Variants in DYNC1H1 observed in about 807,000 individuals in gnomAD.
The protein encoded by DYNC1H1 is cytoplasmic dynein 1 heavy chain 1.
A neutral mutation model predicts 527.1 loss-of-function variants in DYNC1H1; 51 were observed. The observed-to-expected ratio is 0.10, with a 90% CI of 0.08 to 0.12. The LOEUF (loss-of-function observed/expected upper bound fraction) is 0.12. Among genes scored for constraint, DYNC1H1 ranks in the 10% least tolerant of loss-of-function variants. The pLI is 1.00. For synonymous variants in DYNC1H1, 2,189 were observed against 2,278.8 expected, an observed-to-expected ratio of 0.96 and a Z score of 1.12; for missense variants, 2,771 against 5,971.8, an observed-to-expected ratio of 0.46 and a Z score of 17.66.
chr14:102,050,303 G>T (rs2048790231), intron 77 of DYNC1H1, 105 bp downstream of exon 77: 1 of 1,610,530 alleles, frequency 6.2e-7, no homozygotes, highest in Non-Finnish European at 8.5e-7. Context: ...AACGGGAAAT[G>T]AGGTTCACAG....
Position 102,012,248 on chromosome 14 carries a change from G to T in DYNC1H1, c.6858-66G>T, listed in dbSNP as rs544874476. On this transcript the variant is annotated intron_variant, in intron 33 of 77. Coordinates refer to ENST00000360184, the MANE Select transcript of DYNC1H1 (RefSeq NM_001376.5). The surrounding 1 kb of genome is among the most constrained non-coding windows in gnomAD (Gnocchi z 4.9). ...AAAGGTCATTTCAGAAACCATCATC[G>T]GTAAACATGCCTAATGTTAAAATCT... 1 of 1,613,126 alleles carries T rather than the reference G, an allele frequency of 6.2e-7. No individual in the cohort carries two copies.
chr14:102,049,330 C>G lies in DYNC1H1; in HGVS notation c.13373-110C>G. ...CTGGGAAAGGCAGTAGGTGGAGCCGCCAGCCGCCTGTGTGGGCAGCCAGGA... is the reference window on the plus strand; with the variant it reads ...CTGGGAAAGGCAGTAGGTGGAGCCGGCAGCCGCCTGTGTGGGCAGCCAGGA... On this transcript the variant is annotated intron_variant, in intron 74 of 77. Transcript: ENST00000360184. The surrounding 1 kb of genome is among the most constrained non-coding windows in gnomAD (Gnocchi z 5.5). 1 of 1,539,960 alleles carries G rather than the reference C, an allele frequency of 6.5e-7. No individual in the cohort carries two copies. The highest frequency in any genetic ancestry group is 8.8e-7 in the Non-Finnish European group (1 of 1,133,676).
Position 102,053,810 on chromosome 14 carries a change from A to C in DYNC1H1, c.*3247A>C, listed in dbSNP as rs1221385981. 1 of 146,564 alleles carries C rather than the reference A, an allele frequency of 6.8e-6. No homozygotes were observed. The highest frequency in any genetic ancestry group is 2.6e-5 in the African/African-American group (1 of 38,830). 9.1% of individuals were successfully genotyped at this position (146,564 alleles called of 1,614,324 possible). The stretch of plus-strand genomic sequence containing the variant: ...CACTGAGGCTGGAGTGCAGTGATGC[A>C]ACCTCATCTCACTGCAGCCTAGACC... On this transcript the variant is annotated 3_prime_UTR_variant, in exon 78 of 78. Transcript: ENST00000360184.
chr14:102,016,003 C>G lies in DYNC1H1; in HGVS notation c.7390C>G (p.Gln2464Glu). The G allele has an allele frequency of 1.2e-6, 2 of 1,613,638 alleles. No homozygotes were observed. The highest frequency in any genetic ancestry group is 1.7e-6 in the Non-Finnish European group (2 of 1,179,980). The change falls in exon 36 of 78, where the codon CAG becomes GAG. Residue 2464 changes from glutamine to glutamate, a missense_variant. This residue lies in a region of DYNC1H1 where 122 missense variants were observed against 168.4 expected (regional missense o/e 0.72). Transcript: ENST00000360184. The surrounding 1 kb of genome is among the most constrained non-coding windows in gnomAD (Gnocchi z 7.3). ...CLGSLFSMLHQACRNVAQYNA... is the reference protein window; with the variant it reads ...CLGSLFSMLHEACRNVAQYNA... ...GGGCTCGCTCTTCTCCATGCTGCAC[C>G]AGGCCTGCCGCAACGTGGCGCAGTA...
intron 1 of DYNC1H1, among the ~76,000 whole-genome samples, chr14:101,972,036 G>A (rs952087202): frequency 2.0e-5 from 3 of 152,106 alleles, no homozygotes; most frequent in African/African-American, 7.2e-5. Flanking sequence ...CAGTAACTTT[G>A]TATTAACTAG....
intron 1 of DYNC1H1, 141 bp from the exon 2 acceptor site, chr14:101,975,571 G>T: frequency 1.3e-6 from 1 of 763,278 alleles, no homozygotes; most frequent in Non-Finnish European, 2.2e-6. Flanking sequence ...AAACGGATAG[G>T]AAGGGAAAAA....
In DYNC1H1 at chr14:102,049,091, G is replaced by A. The variant is rs2152600810; in HGVS notation, c.13373-349G>A. On this transcript the variant is annotated intron_variant, in intron 74 of 77. Transcript: ENST00000360184. The surrounding 1 kb of genome is among the most constrained non-coding windows in gnomAD (Gnocchi z 5.5). ...TGTGGGGAGCCCCCAGCATCCTCCTGTTTGCCCCAAAAGCCCTAATTGCCA... is the reference window on the plus strand; with the variant it reads ...TGTGGGGAGCCCCCAGCATCCTCCTATTTGCCCCAAAAGCCCTAATTGCCA... The A allele has an allele frequency of 2.3e-6, 1 of 433,504 alleles. No homozygotes were observed. Among genetic ancestry groups the A allele is most frequent in the Non-Finnish European group, 4.3e-6 (1 of 232,062 alleles). The allele number at this position is 433,504 out of a possible 1,614,324, so 26.9% of individuals were successfully genotyped here.
chr14:102,049,109 A>C lies in DYNC1H1; in HGVS notation c.13373-331A>C, dbSNP rs10135797. Reference sequence around the variant, plus strand: ...TCCTCCTGTTTGCCCCAAAAGCCCTAATTGCCAGGAACACTGAGCCACTTG... The same window carrying C: ...TCCTCCTGTTTGCCCCAAAAGCCCTCATTGCCAGGAACACTGAGCCACTTG... On this transcript the variant is annotated intron_variant, in intron 74 of 77. Transcript: ENST00000360184. The surrounding 1 kb of genome is among the most constrained non-coding windows in gnomAD (Gnocchi z 5.5). 14,760 of 441,962 alleles carry C rather than the reference A, an allele frequency of 0.033. 1,230 individuals are homozygous for C. The highest frequency in any genetic ancestry group is 0.22 in the African/African-American group (10,827 of 49,962). 27.4% of individuals were successfully genotyped at this position (441,962 alleles called of 1,614,324 possible).
At chr14:101,990,725 A>G (rs2047986971) in intron 10 of DYNC1H1, among the ~76,000 whole-genome samples, 1 of 151,142 alleles carries the variant, frequency 6.6e-6, no homozygotes, top group Non-Finnish European at 1.5e-5. Flanking sequence ...AAGTACAAAA[A>G]TTAGGCCGGG....
chr14:102,016,629 T>C lies in DYNC1H1; in HGVS notation c.7615-137T>C, dbSNP rs2048325998. The C allele has an allele frequency of 6.4e-7, 1 of 1,555,976 alleles. No individual in the cohort carries two copies. The highest frequency in any genetic ancestry group is 2.3e-5 in the East Asian group (1 of 44,070). On this transcript the variant is annotated intron_variant, in intron 37 of 77. Coordinates refer to ENST00000360184, the MANE Select transcript of DYNC1H1 (RefSeq NM_001376.5). The surrounding 1 kb of genome is among the most constrained non-coding windows in gnomAD (Gnocchi z 7.3). ...GAAGGACTTTATCCTTTTAGTTCCA[T>C]GTGTTAGCAAAGAGTGCAGATTAAC...
chr14:102,012,802 A>G lies in DYNC1H1; in HGVS notation c.7014+332A>G, dbSNP rs550821599. ...ATCTAGAGAGCTGGGAAAATGAGAA[A>G]TTTGGAATGGGGCTTTCTAGGCTGT... is the stretch of plus-strand genomic sequence containing the variant. On this transcript the variant is annotated intron_variant, in intron 34 of 77. Transcript: ENST00000360184. The surrounding 1 kb of genome is among the most constrained non-coding windows in gnomAD (Gnocchi z 4.9). 2.4e-4 allele frequency: 90 copies of G among 380,266 alleles called. 1 individual carries two copies. The Admixed American group carries it at 3.4e-3, about 15-fold the overall frequency. 23.6% of individuals were successfully genotyped at this position (380,266 alleles called of 1,614,324 possible). A position where few individuals can be genotyped will look rare whatever the true frequency, so the allele number is the denominator to read the frequency against.
chr14:102,030,517 A>G, intron 51 of DYNC1H1: 1 of 539,124 alleles, frequency 1.9e-6, no homozygotes, highest in Non-Finnish European at 3.3e-6. Flanking sequence ...CCCTCTCATA[A>G]AAGAAACTTC....
At chr14:102,022,123 G>A (rs900374011) in intron 42 of DYNC1H1, among the ~76,000 whole-genome samples, 6 of 151,580 alleles carry the variant, frequency 4.0e-5, no homozygotes, top group Non-Finnish European at 8.8e-5. Context: ...GCAACAGAGT[G>A]AGACTCTGTA....
Position 101,996,359 on chromosome 14 carries a change from G to A in DYNC1H1, c.3565-676G>A, listed in dbSNP as rs1323401708. Among the ~76,000 whole-genome samples, 9 of 152,050 alleles carry A rather than the reference G, an allele frequency of 5.9e-5. No homozygotes were observed. In the East Asian group the frequency reaches 1.8e-3, roughly 30 times the overall value. On this transcript the variant is annotated intron_variant, in intron 15 of 77. Coordinates refer to ENST00000360184, the MANE Select transcript of DYNC1H1 (RefSeq NM_001376.5). ...TGGCCAGGGTGGTCTCGAACTCCTG[G>A]CCTCAAGTGATCTGCCCGCCTTGAC...
chr14:101,991,983 C>T (rs1276621414), intron 11 of DYNC1H1, among the ~76,000 whole-genome samples: 1 of 145,318 alleles, frequency 6.9e-6, no homozygotes, highest in African/African-American at 2.5e-5. Flanking sequence ...AAAACATACA[C>T]AAAAGTTGAG....
intron 72 of DYNC1H1, 180 bp from the exon 73 acceptor site, chr14:102,047,637 G>GTATATATATATATATATA (rs1311727690): frequency 5.8e-5 from 23 of 394,246 alleles, no homozygotes; most frequent in African/African-American, 5.3e-4. Flanking sequence ...GTGTGTGTGT[G>GTATATATATATATATATA]TGTGTATATA....
At chr14:102,047,641 G>GTGTGTGTGTATATATATATA in intron 72 of DYNC1H1, 176 bp from the exon 73 acceptor site, 28 of 316,756 alleles carry the variant, frequency 8.8e-5, no homozygotes, top group African/African-American at 3.5e-4. Context: ...GTGTGTGTGT[G>GTGTGTGTGTATATATATATA]TATATATATA....
In DYNC1H1 at chr14:101,983,914, T is replaced by C. The variant is rs944509339; in HGVS notation, c.1461+305T>C. Among the ~76,000 whole-genome samples the C allele has an allele frequency of 9.2e-5, 14 of 152,116 alleles. No individual in the cohort carries two copies. The highest frequency in any genetic ancestry group is 2.9e-5 in the Non-Finnish European group (2 of 68,018). On this transcript the variant is annotated intron_variant, in intron 7 of 77. Transcript: ENST00000360184. This position sits in a 1 kb window ranked among gnomAD's most constrained non-coding sequence, Gnocchi z 5.3. ...GGCTGGTTTTGAACTGGCCTTCAAG[T>C]GTTCCACCTGCCTCGGCCTCCCAAA...
chr14:101,970,250 C>G (rs1485297768), intron 1 of DYNC1H1, among the ~76,000 whole-genome samples: 1 of 152,044 alleles, frequency 6.6e-6, no homozygotes, highest in East Asian at 1.9e-4. Flanking sequence ...AATACTCCGA[C>G]TTTCTCACCG....
Sources: gnomAD v4.1 joint callset for allele counts (sites outside exome capture counted in the v4.1 genomes callset) on GRCh38, gnomAD v4.1.1 for gene constraint, gnomAD v4.1.1 regional missense constraint, Gnocchi (gnomAD v3.1) non-coding constraint, MANE v1.5 for transcripts, NCBI Gene and HGNC (gene_info 2026-07-23, HGNC 2026-07-21) for gene names.